Variants in FGD4 observed in about 807,000 individuals in gnomAD.
FGD4 encodes the protein FYVE, RhoGEF and PH domain containing 4, also known as FYVE, RhoGEF and PH domain-containing protein 4.
In FGD4, 42 loss-of-function variants were observed where a neutral mutation model predicts 102.0. The ratio of observed to expected loss-of-function variants is 0.41; its 90% confidence interval spans 0.32 to 0.53. The LOEUF (loss-of-function observed/expected upper bound fraction) is 0.53, where lower values mean the gene tolerates loss of function less well. FGD4 is among the 20% of genes least tolerant of loss of function. The pLI is 0.21. For synonymous variants in FGD4, 380 were observed against 375.7 expected (o/e 1.01, Z -0.13); for missense variants, 902 against 1,078.2 (o/e 0.84, Z 2.29).
rs527460214 is a variant in FGD4 at position 32,555,045 on chromosome 12, T to C, written c.167-9092T>C. 7.6e-4 allele frequency among the ~76,000 whole-genome samples: 115 copies of C among 152,306 alleles called. No homozygotes were observed. The South Asian group carries it at 0.013, about 18-fold the overall frequency. ...GGTCTCTCTGGTCCTGGTTTGACAA[T>C]ATGGACTGCACTGGGAACAAGGGAA... On this transcript the variant is annotated intron_variant, in intron 1 of 16. Transcript: ENST00000534526.
At chr12:32,505,784 G>GTAA (rs1200761487) in intron 1 of FGD4, among the ~76,000 whole-genome samples, 1 of 152,136 alleles carries the variant, frequency 6.6e-6, no homozygotes, top group African/African-American at 2.4e-5. Context: ...TCCTGTGTAA[G>GTAA]TAATAGTTCC....
intron 1 of FGD4, among the ~76,000 whole-genome samples, chr12:32,433,707 G>A (rs552475258): frequency 1.3e-5 from 2 of 152,176 alleles, no homozygotes; most frequent in South Asian, 4.1e-4. Flanking sequence ...TCTAATTCTA[G>A]CTATTGAAGT....
At chr12:32,502,067 C>A in intron 1 of FGD4, 1 of 985,416 alleles carries the variant, frequency 1.0e-6, no homozygotes, top group Non-Finnish European at 1.2e-6. Flanking sequence ...GCGATTGTTA[C>A]CCAATAAGCA....
At chr12:32,447,868 C>T in intron 1 of FGD4, among the ~76,000 whole-genome samples, 1 of 152,318 alleles carries the variant, frequency 6.6e-6, no homozygotes, top group Middle Eastern at 3.4e-3. Flanking sequence ...ATAGCAGGCA[C>T]TCAAATATTT....
In FGD4 at chr12:32,472,661, G is replaced by C. The variant is rs558977428; in HGVS notation, c.166+72702G>C. ...GCGCCCAGTCCCATCGATCACCCAA[G>C]GGCTGAGGAATGCGAGTGCGGGGCG... On this transcript the variant is annotated intron_variant, in intron 1 of 16. Transcript: ENST00000534526. Among the ~76,000 whole-genome samples, 8 of 152,350 alleles carry C rather than the reference G, an allele frequency of 5.3e-5. No individual in the cohort carries two copies. In the South Asian group the frequency reaches 1.2e-3, roughly 24 times the overall value.
chr12:32,561,799 A>G (rs1400099139), intron 1 of FGD4, among the ~76,000 whole-genome samples: 1 of 152,262 alleles, frequency 6.6e-6, no homozygotes, highest in African/African-American at 2.4e-5. Flanking sequence ...GTGAACAAAC[A>G]TTTAATCCTT....
chr12:32,521,995 C>T (rs1265860824), intron 1 of FGD4, among the ~76,000 whole-genome samples: 1 of 152,088 alleles, frequency 6.6e-6, no homozygotes, highest in East Asian at 1.9e-4. Flanking sequence ...TTAGAAAATT[C>T]CAAGCAAATA....
At chr12:32,634,441 T>C (rs1449227018) in intron 15 of FGD4, among the ~76,000 whole-genome samples, 1 of 152,176 alleles carries the variant, frequency 6.6e-6, no homozygotes, top group East Asian at 1.9e-4. Context: ...CATTAAATAT[T>C]ATTGAAATGT....
Position 32,645,483 on chromosome 12 carries a change from T to TA in FGD4, c.*4955dup, listed in dbSNP as rs1446568892. Reference sequence around the variant, plus strand: ...ATGGTGAAACCCTGTCTCTACTAAATAAAAATAAAACAAAATAAGTGTATC... The same window carrying TA: ...ATGGTGAAACCCTGTCTCTACTAAATAAAAAATAAAACAAAATAAGTGTATC... On this transcript the variant is annotated 3_prime_UTR_variant, in exon 17 of 17. Transcript: ENST00000534526. The TA allele has an allele frequency of 2.0e-5, 3 of 151,496 alleles. No individual in the cohort carries two copies. The East Asian group carries it at 5.8e-4, about 30-fold the overall frequency. The allele number at this position is 151,496 out of a possible 1,614,324, so 9.4% of individuals were successfully genotyped here. A position where few individuals can be genotyped will look rare whatever the true frequency, so the allele number is the denominator to read the frequency against.
intron 1 of FGD4, among the ~76,000 whole-genome samples, chr12:32,425,887 A>G (rs182705005): frequency 1.3e-5 from 2 of 152,268 alleles, no homozygotes; most frequent in Admixed American, 1.3e-4. Context: ...GTGTATAGGA[A>G]TGCTTGTGAT....
chr12:32,440,810 A>T (rs536051482), intron 1 of FGD4, among the ~76,000 whole-genome samples: 21 of 152,336 alleles, frequency 1.4e-4, no homozygotes, highest in African/African-American at 3.6e-4. Flanking sequence ...AAACCTTAGA[A>T]GTCTACCTGG....
chr12:32,628,722 G>A (rs1950323581), intron 14 of FGD4, among the ~76,000 whole-genome samples: 2 of 152,144 alleles, frequency 1.3e-5, no homozygotes, highest in South Asian at 4.1e-4. Context: ...GGAGGCGGAG[G>A]TTGTGATGAG....
intron 14 of FGD4, among the ~76,000 whole-genome samples, chr12:32,630,687 G>A (rs1158077394): frequency 6.6e-6 from 1 of 151,962 alleles, no homozygotes; most frequent in Non-Finnish European, 1.5e-5. Context: ...GTGGTGGCAT[G>A]TGCTTGTAAT....
chr12:32,460,371 C>G (rs1210453036), intron 1 of FGD4, among the ~76,000 whole-genome samples: 1 of 151,750 alleles, frequency 6.6e-6, no homozygotes, highest in East Asian at 1.9e-4. Flanking sequence ...AATAATTAGC[C>G]ACTGGTGGTG....
Position 32,598,581 on chromosome 12 carries a change from G to T in FGD4, c.1096G>T (p.Asp366Tyr), listed in dbSNP as rs760189669. ...RAYVNRLDLLDQVFYCKLLEE... is the reference protein window; with the variant it reads ...RAYVNRLDLLYQVFYCKLLEE... ...TTATGTCAACCGACTTGACCTCTTA[G>T]ATCAGGTAAGATTTTCTTTCTCAGA... The change falls in exon 5 of 17, where the codon GAT becomes TAT. Residue 366 changes from aspartate to tyrosine, a missense_variant. Transcript: ENST00000534526. 1 of 1,610,620 alleles carries T rather than the reference G, an allele frequency of 6.2e-7. No individual in the cohort carries two copies. Among genetic ancestry groups the T allele is most frequent in the South Asian group, 1.1e-5 (1 of 90,990 alleles).
intron 10 of FGD4, among the ~76,000 whole-genome samples, chr12:32,611,982 C>G (rs115198823): frequency 1.3e-5 from 2 of 152,244 alleles, no homozygotes; most frequent in African/African-American, 4.8e-5. Flanking sequence ...ATGCCTGTTC[C>G]GATTTCGGAG....
chr12:32,621,795 A>G (rs1949856780), intron 11 of FGD4, among the ~76,000 whole-genome samples: 1 of 152,154 alleles, frequency 6.6e-6, no homozygotes, highest in Non-Finnish European at 1.5e-5. Context: ...CTCAAACCCA[A>G]GGGCAGAATA....
intron 5 of FGD4, among the ~76,000 whole-genome samples, chr12:32,599,532 A>ATTTTTTT (rs1948203574): frequency 8.4e-5 from 4 of 47,704 alleles, no homozygotes; most frequent in South Asian, 8.6e-4. Flanking sequence ...AAACTAAGGC[A>ATTTTTTT]TCTTTTTTTT....
At chr12:32,432,151 C>T (rs888079585) in intron 1 of FGD4, among the ~76,000 whole-genome samples, 1 of 150,632 alleles carries the variant, frequency 6.6e-6, no homozygotes, top group African/African-American at 2.4e-5. Context: ...GCTCTGCCTC[C>T]TGGGTTCACA....
Sources: gnomAD v4.1 joint callset for allele counts (sites outside exome capture counted in the v4.1 genomes callset) on GRCh38, gnomAD v4.1.1 for gene constraint, MANE v1.5 for transcripts, NCBI Gene and HGNC (gene_info 2026-07-23, HGNC 2026-07-21) for gene names.